The following ARHGAP15 variants were observed in gnomAD, a reference collection of about 807,000 sequenced individuals.
ARHGAP15 encodes the protein Rho GTPase activating protein 15.
A neutral mutation model predicts 63.7 loss-of-function variants in ARHGAP15; 51 were observed. That is an observed-to-expected ratio of 0.80 (90% CI 0.64 to 1.01). ARHGAP15 has a LOEUF of 1.01. Among genes scored for constraint, ARHGAP15 ranks in the 50% least tolerant of loss-of-function variants. ARHGAP15 has a pLI of 0.00. For missense variants in ARHGAP15, 560 were observed against 564.6 expected (o/e 0.99, Z 0.08); for synonymous variants, 191 against 193.8 (o/e 0.99, Z 0.12).
intron 8 of ARHGAP15, among the ~76,000 whole-genome samples, chr2:143,445,567 T>A (rs1690097641): frequency 6.6e-6 from 1 of 152,154 alleles, no homozygotes; most frequent in South Asian, 2.1e-4. Context: ...TTCTCCAGTT[T>A]TTTTTCATCA....
chr2:143,571,524 A>G (rs1696452768), intron 11 of ARHGAP15, among the ~76,000 whole-genome samples: 2 of 152,212 alleles, frequency 1.3e-5, no homozygotes, highest in Non-Finnish European at 2.9e-5. Flanking sequence ...GGTAATTTAG[A>G]GAGAAGGTGA....
Position 143,407,995 on chromosome 2 carries a change from A to G in ARHGAP15, c.475-27606A>G, listed in dbSNP as rs1255637171. Among the ~76,000 whole-genome samples, 218 of 62,034 alleles carry G rather than the reference A, an allele frequency of 3.5e-3. 4 individuals are homozygous for G. Among genetic ancestry groups the G allele is most frequent in the East Asian group, 5.8e-3 (11 of 1,912 alleles). The allele number at this position is 62,034 out of a possible 152,430, so 40.7% of individuals were successfully genotyped here. ...GTCTGACTTCTGTGTGTGTATATAT[A>G]TATATATATATATATATATATATAT... On this transcript the variant is annotated intron_variant, in intron 6 of 13. Coordinates refer to ENST00000295095, the MANE Select transcript of ARHGAP15 (RefSeq NM_018460.4).
At chr2:143,158,038 G>A (rs972593999) in intron 2 of ARHGAP15, among the ~76,000 whole-genome samples, 1 of 151,650 alleles carries the variant, frequency 6.6e-6, no homozygotes, top group Non-Finnish European at 1.5e-5. Context: ...TAATATATAT[G>A]GCATATGCAT....
chr2:143,632,930 C>A (rs1402811657), intron 12 of ARHGAP15, among the ~76,000 whole-genome samples: 1 of 152,112 alleles, frequency 6.6e-6, no homozygotes, highest in African/African-American at 2.4e-5. Flanking sequence ...AGGCACTTGA[C>A]TAAAAACGGT....
rs562113525 is a variant in ARHGAP15 at position 143,477,243 on chromosome 2, GTCTAA to G, written c.704-10123_704-10119del. Reference sequence around the variant, plus strand: ...ACACACACATATACAGCAGCTAAGGGTCTAATCTAATAACAACAGATGCATAGTGA... The same window carrying G: ...ACACACACATATACAGCAGCTAAGGGTCTAATAACAACAGATGCATAGTGA... On this transcript the variant is annotated intron_variant, in intron 8 of 13. Coordinates refer to ENST00000295095, the MANE Select transcript of ARHGAP15 (RefSeq NM_018460.4). Among the ~76,000 whole-genome samples the G allele has an allele frequency of 6.6e-3, 1,003 of 151,580 alleles. 6 individuals are homozygous for G. The highest frequency in any genetic ancestry group is 0.014 in the Middle Eastern group (4 of 294).
intron 11 of ARHGAP15, among the ~76,000 whole-genome samples, chr2:143,591,132 A>T (rs896823543): frequency 6.6e-6 from 1 of 152,146 alleles, no homozygotes; most frequent in Admixed American, 6.6e-5. Context: ...CTAAAAATAT[A>T]TATATTGTAA....
chr2:143,432,531 C>T (rs1230819426), intron 6 of ARHGAP15, among the ~76,000 whole-genome samples: 2 of 152,080 alleles, frequency 1.3e-5, no homozygotes, highest in Admixed American at 6.6e-5. Flanking sequence ...TAAGAGGAAC[C>T]GTACCAAGGA....
intron 10 of ARHGAP15, among the ~76,000 whole-genome samples, chr2:143,537,997 C>A (rs1316593025): frequency 6.6e-6 from 1 of 152,172 alleles, no homozygotes; most frequent in Non-Finnish European, 1.5e-5. Context: ...GATATTGATT[C>A]TTCCTACCCA....
chr2:143,251,213 G>A (rs920952894), intron 6 of ARHGAP15, among the ~76,000 whole-genome samples: 5 of 151,586 alleles, frequency 3.3e-5, no homozygotes, highest in African/African-American at 1.2e-4. Flanking sequence ...ACCTAATTGC[G>A]TGATTTATCT....
intron 6 of ARHGAP15, among the ~76,000 whole-genome samples, chr2:143,287,730 G>C (rs572588518): frequency 5.1e-4 from 77 of 152,170 alleles, no homozygotes; most frequent in African/African-American, 1.8e-3. Context: ...TTGCACCCAG[G>C]AGGTGGAGGT....
intron 11 of ARHGAP15, among the ~76,000 whole-genome samples, chr2:143,586,357 C>T (rs1022207101): frequency 2.6e-5 from 4 of 151,256 alleles, no homozygotes; most frequent in Admixed American, 6.6e-5. Flanking sequence ...ATTTTTTTTT[C>T]TGTGGCATTT....
intron 10 of ARHGAP15, among the ~76,000 whole-genome samples, chr2:143,531,924 G>T (rs892133975): frequency 2.0e-5 from 3 of 152,182 alleles, no homozygotes; most frequent in African/African-American, 7.2e-5. Flanking sequence ...TAAATCCAGT[G>T]ACTTTACTGG....
chr2:143,220,990 T>C (rs1057391156), intron 4 of ARHGAP15, among the ~76,000 whole-genome samples: 13 of 152,092 alleles, frequency 8.5e-5, no homozygotes, highest in Non-Finnish European at 1.6e-4. Context: ...ATTTTATATA[T>C]AGTTAGTATC....
At chr2:143,661,639 T>G (rs1681784177) in intron 12 of ARHGAP15, among the ~76,000 whole-genome samples, 1 of 152,060 alleles carries the variant, frequency 6.6e-6, no homozygotes, top group Non-Finnish European at 1.5e-5. Context: ...AGACGGGTGA[T>G]TTCTGCATTT....
chr2:143,678,207 G>A (rs554612520), intron 12 of ARHGAP15, among the ~76,000 whole-genome samples: 11 of 152,136 alleles, frequency 7.2e-5, no homozygotes, highest in South Asian at 4.1e-4. Flanking sequence ...GCAAGACCCC[G>A]TCTCCGAAAG....
intron 6 of ARHGAP15, among the ~76,000 whole-genome samples, chr2:143,284,224 G>T (rs1206259123): frequency 6.6e-6 from 1 of 152,192 alleles, no homozygotes; most frequent in Non-Finnish European, 1.5e-5. Flanking sequence ...CAGAAGTGCA[G>T]TGAGCCAGGC....
At chr2:143,359,582 TAAAG>T (rs1398058294) in intron 6 of ARHGAP15, among the ~76,000 whole-genome samples, 33 of 152,134 alleles carry the variant, frequency 2.2e-4, no homozygotes, top group Non-Finnish European at 4.4e-5. Flanking sequence ...TGCAAAGAAA[TAAAG>T]AAAAATGTAG....
chr2:143,610,858 A>G (rs749504319), intron 11 of ARHGAP15, among the ~76,000 whole-genome samples: 8 of 151,994 alleles, frequency 5.3e-5, no homozygotes, highest in Non-Finnish European at 1.2e-4. Context: ...CCTCCCGAGT[A>G]GCTGGGACTA....
At chr2:143,364,862 C>T (rs1271800980) in intron 6 of ARHGAP15, among the ~76,000 whole-genome samples, 1 of 152,080 alleles carries the variant, frequency 6.6e-6, no homozygotes, top group Non-Finnish European at 1.5e-5. Context: ...AACAATTATC[C>T]AGGCATGGTA....
Sources: allele counts gnomAD v4.1 joint callset (sites outside exome capture counted in the v4.1 genomes callset), GRCh38; gene constraint gnomAD v4.1.1; transcripts MANE v1.5; gene names NCBI Gene and HGNC (gene_info 2026-07-23, HGNC 2026-07-21).